HSD17B12: variants seen among roughly 807,000 people sequenced by gnomAD.
HSD17B12 encodes hydroxysteroid 17-beta dehydrogenase 12.
In HSD17B12, 32 loss-of-function variants were observed where a neutral mutation model predicts 39.3. That is an observed-to-expected ratio of 0.81 (90% confidence interval 0.61 to 1.09). The LOEUF is 1.09. Ranked by LOEUF, HSD17B12 falls within the 50% of genes least tolerant of loss-of-function variation. The probability of loss-of-function intolerance (pLI) is 0.00; values close to 1 mark genes in which losing one functional copy is unlikely to be tolerated. For synonymous variants in HSD17B12, 150 were observed against 146.7 expected, an observed-to-expected ratio of 1.02 and a Z score of -0.16; for missense variants, 342 against 382.9, an observed-to-expected ratio of 0.89 and a Z score of 0.89.
chr11:43,766,917 C>G lies in HSD17B12; in HGVS notation c.283+12796C>G, dbSNP rs115891208. Among the ~76,000 whole-genome samples the G allele has an allele frequency of 6.6e-3, 1,008 of 152,286 alleles. 18 individuals are homozygous for G. The highest frequency in any genetic ancestry group is 0.023 in the African/African-American group (946 of 41,554). On this transcript the variant is annotated intron_variant, in intron 3 of 10. Transcript: ENST00000278353. ...TACTGTTTGTTACCAGTCGTTTACT[C>G]TGATAGAGAAAAACATCTGTAATAT... is the stretch of plus-strand genomic sequence containing the variant.
intron 6 of HSD17B12, among the ~76,000 whole-genome samples, chr11:43,828,173 C>T (rs1216277487): frequency 7.0e-5 from 10 of 143,014 alleles, no homozygotes; most frequent in Non-Finnish European, 9.0e-5. Context: ...GACGGAGTCT[C>T]GCTCTGTCGC....
chr11:43,788,709 A>G (rs76512335), intron 3 of HSD17B12, among the ~76,000 whole-genome samples: 2 of 133,058 alleles, frequency 1.5e-5, no homozygotes, highest in Non-Finnish European at 3.2e-5. Flanking sequence ...AAAAAAAAAA[A>G]GAAGTGTGAT....
chr11:43,731,231 A>T (rs773503607), intron 1 of HSD17B12, among the ~76,000 whole-genome samples: 1 of 152,152 alleles, frequency 6.6e-6, no homozygotes, highest in South Asian at 2.1e-4. Context: ...TCCTGACCTC[A>T]GGTGATCTGC....
At chr11:43,651,740 C>G in the HSD17B12 span, among the ~76,000 whole-genome samples, 56 of 151,962 alleles carry the variant, frequency 3.7e-4, no homozygotes, top group African/African-American at 1.3e-3. Context: ...ACCACCACAT[C>G]CAGTTATTTT....
At chr11:43,734,537 G>A in intron 1 of HSD17B12, 3 of 587,414 alleles carry the variant, frequency 5.1e-6, no homozygotes, top group Non-Finnish European at 3.0e-6. Flanking sequence ...TGCCAGCAGG[G>A]CAGTCCGTGC....
the HSD17B12 span, among the ~76,000 whole-genome samples, chr11:43,634,075 CAAAAAAAAAAAAAAAAAA>C: frequency 1.3e-3 from 49 of 37,568 alleles, no homozygotes; most frequent in African/African-American, 3.3e-3. Flanking sequence ...AACTCCATCT[CAAAAAAAAAAAAAAAAAA>C]AAAAAAAAAA....
At chr11:43,806,224 A>G (rs1326368963) in intron 4 of HSD17B12, 6 of 152,264 alleles carry the variant, frequency 3.9e-5, no homozygotes, top group Admixed American at 2.6e-4. Context: ...TTGATCTCCA[A>G]TCCTCCTCTC....
intron 9 of HSD17B12, among the ~76,000 whole-genome samples, chr11:43,840,879 T>C (rs1318831274): frequency 6.6e-6 from 1 of 152,184 alleles, no homozygotes; most frequent in Non-Finnish European, 1.5e-5. Flanking sequence ...AATTCTTTTG[T>C]ATATGTATAC....
intron 1 of HSD17B12, among the ~76,000 whole-genome samples, chr11:43,697,011 C>T (rs1299024894): frequency 1.6e-4 from 20 of 128,104 alleles, no homozygotes; most frequent in African/African-American, 4.7e-4. Flanking sequence ...GGACTTGTTG[C>T]GGGGGGTGGG....
the HSD17B12 span, among the ~76,000 whole-genome samples, chr11:43,559,009 G>A: frequency 2.6e-5 from 4 of 152,218 alleles, no homozygotes; most frequent in African/African-American, 9.6e-5. Flanking sequence ...AGAGTGGATG[G>A]TGGCTGCATC....
At chr11:43,719,810 C>G (rs1950160184) in intron 1 of HSD17B12, among the ~76,000 whole-genome samples, 1 of 151,982 alleles carries the variant, frequency 6.6e-6, no homozygotes, top group East Asian at 1.9e-4. Context: ...TGCTTCTTAC[C>G]TATGTGAAGT....
intron 2 of HSD17B12, among the ~76,000 whole-genome samples, chr11:43,752,188 AT>A (rs931586775): frequency 1.3e-5 from 2 of 152,138 alleles, no homozygotes; most frequent in African/African-American, 4.8e-5. Context: ...CAGGAAAAGC[AT>A]TTTTTCATCA....
At position 43,848,036 on chromosome 11, in the gene HSD17B12, G is replaced by A. The variant is rs1032773932; in HGVS notation, c.685-6679G>A. Among the ~76,000 whole-genome samples, 4 of 152,138 alleles carry A rather than the reference G, an allele frequency of 2.6e-5. No homozygotes were observed. In the East Asian group the frequency reaches 7.7e-4, roughly 29 times the overall value. On this transcript the variant is annotated intron_variant, in intron 9 of 10. Coordinates refer to ENST00000278353, the MANE Select transcript of HSD17B12 (RefSeq NM_016142.3). ...AAAGAACTAGAAAGCTAAATATTGA[G>A]AAACGGCTACCGGGATTACAAATAT...
intron 1 of HSD17B12, among the ~76,000 whole-genome samples, chr11:43,731,333 T>A (rs1019728980): frequency 6.6e-6 from 1 of 152,148 alleles, no homozygotes; most frequent in African/African-American, 2.4e-5. Flanking sequence ...TTGAAATAAG[T>A]CAAATAATCT....
At chr11:43,582,574 C>T in the HSD17B12 span, among the ~76,000 whole-genome samples, 1 of 152,184 alleles carries the variant, frequency 6.6e-6, no homozygotes, top group South Asian at 2.1e-4. Flanking sequence ...CTAGAGACAC[C>T]GGAGTTCAAG....
At chr11:43,577,564 A>T in the HSD17B12 span, among the ~76,000 whole-genome samples, 2 of 152,024 alleles carry the variant, frequency 1.3e-5, no homozygotes. Context: ...TCAAAATAAG[A>T]GCCTATAGGT....
rs541884508 is a variant in HSD17B12, at chr11:43,776,056, C to A, written c.283+21935C>A. ...GTCTTTGCCATTGTGAATAATGACA[C>A]AATAAACATACGTGTGCATGCGTCT... is the stretch of plus-strand genomic sequence containing the variant. On this transcript the variant is annotated intron_variant, in intron 3 of 10. Coordinates refer to ENST00000278353, the MANE Select transcript of HSD17B12 (RefSeq NM_016142.3). 2.0e-5 allele frequency among the ~76,000 whole-genome samples: 3 copies of A among 152,228 alleles called. No individual in the cohort carries two copies. The South Asian group carries it at 6.2e-4, about 32-fold the overall frequency.
At chr11:43,794,283 A>G (rs1366047900) in intron 3 of HSD17B12, among the ~76,000 whole-genome samples, 2 of 152,206 alleles carry the variant, frequency 1.3e-5, no homozygotes, top group Non-Finnish European at 2.9e-5. Context: ...TTAAGTCTTT[A>G]AGAATTTACA....
the HSD17B12 span, among the ~76,000 whole-genome samples, chr11:43,572,892 G>C: frequency 1.3e-5 from 2 of 152,152 alleles, no homozygotes; most frequent in Non-Finnish European, 2.9e-5. Context: ...GACTTCCCTT[G>C]GTTGATATCA....
Sources: allele counts gnomAD v4.1 joint callset (sites outside exome capture counted in the v4.1 genomes callset), GRCh38; gene constraint gnomAD v4.1.1; transcripts MANE v1.5; gene names NCBI Gene and HGNC (gene_info 2026-07-23, HGNC 2026-07-21).